Variants in ADAM28 observed in about 807,000 individuals in gnomAD.
The protein encoded by ADAM28 is ADAM metallopeptidase domain 28, also known as disintegrin and metalloproteinase domain-containing protein 28.
A neutral mutation model predicts 101.2 loss-of-function variants in ADAM28; 105 were observed. The observed-to-expected ratio is 1.04, with a 90% CI of 0.89 to 1.22. ADAM28 has a LOEUF of 1.22. ADAM28 is among the 50% of genes most tolerant of loss of function. The pLI is 0.00. For missense variants in ADAM28, 1,028 were observed against 945.4 expected (o/e 1.09, Z -1.15); for synonymous variants, 322 against 310.6 (o/e 1.04, Z -0.39).
chr8:24,329,886 TGA>T (rs1287352791), intron 10 of ADAM28, 97 bp from the exon 11 acceptor site: 1,248 of 562,760 alleles, frequency 2.2e-3, no homozygotes, highest in Non-Finnish European at 2.5e-3. Context: ...TGTGTGTGTG[TGA>T]GAGAGAGAGA....
intron 1 of ADAM28, chr8:24,295,810 T>A (rs1284547377): frequency 1.3e-5 from 2 of 152,250 alleles, no homozygotes; most frequent in Non-Finnish European, 2.9e-5. Context: ...CACTGAACTA[T>A]CCCTGTTATG....
rs140086130 is a variant in ADAM28, at chr8:24,346,589, C to T, written c.1990+3005C>T. On this transcript the variant is annotated intron_variant, in intron 18 of 22. Coordinates refer to ENST00000265769, the MANE Select transcript of ADAM28 (RefSeq NM_014265.6). ...GACAAAGTTTAAGAGCACTGCCCTA[C>T]GACATGGCCATACACAGCCATTGGC... Among the ~76,000 whole-genome samples the T allele has an allele frequency of 1.5e-3, 227 of 152,164 alleles. 2 individuals are homozygous for T. Among genetic ancestry groups the T allele is most frequent in the African/African-American group, 5.1e-3 (211 of 41,536 alleles).
intron 7 of ADAM28, among the ~76,000 whole-genome samples, chr8:24,320,905 A>G (rs1463156909): frequency 1.3e-5 from 2 of 152,074 alleles, no homozygotes; most frequent in African/African-American, 4.8e-5. Flanking sequence ...CTCTTAAATT[A>G]ATAAGATATT....
rs1235408814 is a variant in ADAM28, at chr8:24,313,400, T to C, written c.396T>C (p.Ser132=). Residue 132 remains serine (S), a synonymous_variant, in exon 6 of 23, where the codon AGT becomes AGC. Transcript: ENST00000265769. ...CATGTTTTTTCAGGGGCTACTTCAG[T>C]CAGGGGGATCAAAGATACTTTATTG... ...STCRGLRGYF[S]QGDQRYFIEP... is the part of the protein sequence containing the mutation. 6.2e-7 allele frequency: 1 copy of C among 1,611,238 alleles called. No homozygotes were observed. Among genetic ancestry groups the C allele is most frequent in the Non-Finnish European group, 8.5e-7 (1 of 1,178,860 alleles).
At position 24,349,930 on chromosome 8, in the gene ADAM28, T is replaced by C. The variant is rs1464453965; in HGVS notation, c.2057T>C (p.Ile686Thr). ...AVIFVVVAMV[I>T]RHQSSREKQK... ...ATTTTTGTGGTGGTTGCTATGGTAA[T>C]CCGGCACCAGAGCTCCAGAGAAAAG... Residue 686 changes from isoleucine to threonine, a missense_variant, in exon 19 of 23, where the codon ATC (isoleucine) becomes ACC (threonine). Physicochemically the swap from Ile to Thr is moderately conservative, Grantham distance 89. Transcript: ENST00000265769. 1 of 1,613,592 alleles carries C rather than the reference T, an allele frequency of 6.2e-7. No homozygotes were observed. The highest frequency in any genetic ancestry group is 2.2e-5 in the East Asian group (1 of 44,822).
chr8:24,335,405 G>T (rs183285611), intron 13 of ADAM28, 41 bp from the exon 14 acceptor site: 1 of 1,552,194 alleles, frequency 6.4e-7, no homozygotes, highest in African/African-American at 1.4e-5. Context: ...GGTAAAGCAG[G>T]TAGGGAGAAT....
intron 5 of ADAM28, among the ~76,000 whole-genome samples, chr8:24,312,882 T>G (rs1810658557): frequency 6.6e-6 from 1 of 152,172 alleles, no homozygotes; most frequent in South Asian, 2.1e-4. Context: ...CTTTACATGT[T>G]CTCTCATTCA....
intron 2 of ADAM28, among the ~76,000 whole-genome samples, chr8:24,302,899 C>T (rs894939261): frequency 2.0e-5 from 3 of 149,454 alleles, no homozygotes; most frequent in Non-Finnish European, 4.5e-5. Flanking sequence ...AGGTATATCT[C>T]CTAATGCTAT....
chr8:24,325,891 A>ACAAAC (rs1288887264), intron 9 of ADAM28, among the ~76,000 whole-genome samples: 66 of 144,290 alleles, frequency 4.6e-4, no homozygotes, highest in East Asian at 2.3e-3. Flanking sequence ...AAAAAAAAAA[A>ACAAAC]AAAAAAAAAC....
intron 15 of ADAM28, chr8:24,341,250 A>G: frequency 5.2e-6 from 1 of 191,022 alleles, no homozygotes. Context: ...ATCATACTCC[A>G]ATCAGCAAAA....
At chr8:24,344,014 T>C (rs968692956) in intron 18 of ADAM28, among the ~76,000 whole-genome samples, 3 of 152,220 alleles carry the variant, frequency 2.0e-5, no homozygotes, top group African/African-American at 7.2e-5. Flanking sequence ...ACTTGTATTC[T>C]GTTGTACTAG....
At chr8:24,307,998 C>T (rs1490102035) in intron 2 of ADAM28, among the ~76,000 whole-genome samples, 1 of 152,192 alleles carries the variant, frequency 6.6e-6, no homozygotes, top group East Asian at 1.9e-4. Flanking sequence ...TGCCCATTGA[C>T]ATCCCCTAGA....
intron 6 of ADAM28, among the ~76,000 whole-genome samples, chr8:24,315,353 G>GA (rs999852317): frequency 2.0e-5 from 3 of 151,444 alleles, no homozygotes; most frequent in African/African-American, 4.8e-5. Flanking sequence ...TCTCAGAAAT[G>GA]AAAAAAAGAT....
intron 19 of ADAM28, among the ~76,000 whole-genome samples, chr8:24,350,263 A>C (rs1815930387): frequency 6.6e-6 from 1 of 152,142 alleles, no homozygotes; most frequent in Non-Finnish European, 1.5e-5. Flanking sequence ...AGAATATAAT[A>C]TCTAACATTA....
chr8:24,337,315 C>G (rs914503371), intron 14 of ADAM28, among the ~76,000 whole-genome samples: 2 of 152,212 alleles, frequency 1.3e-5, no homozygotes, highest in Non-Finnish European at 2.9e-5. Flanking sequence ...CAGTATACGG[C>G]AAAAACCAGG....
intron 8 of ADAM28, among the ~76,000 whole-genome samples, chr8:24,322,986 T>C (rs1358413965): frequency 6.6e-6 from 1 of 151,972 alleles, no homozygotes; most frequent in Non-Finnish European, 1.5e-5. Context: ...GTTCAATCCA[T>C]GTTTAAGATT....
At chr8:24,348,457 G>GGTTCATTT (rs1410796750) in intron 18 of ADAM28, among the ~76,000 whole-genome samples, 2 of 151,882 alleles carry the variant, frequency 1.3e-5, no homozygotes, top group Non-Finnish European at 2.9e-5. Context: ...GTTTGCTGTT[G>GGTTCATTT]GTTCATTTGC....
At chr8:24,333,144 T>C (rs1243489153) in intron 13 of ADAM28, among the ~76,000 whole-genome samples, 1 of 152,160 alleles carries the variant, frequency 6.6e-6, no homozygotes. Flanking sequence ...CAGAGTAGAA[T>C]GGTGTTTACC....
chr8:24,337,190 T>C (rs1168151992), intron 14 of ADAM28, among the ~76,000 whole-genome samples: 4 of 152,232 alleles, frequency 2.6e-5, no homozygotes, highest in Non-Finnish European at 5.9e-5. Flanking sequence ...GCAAGCTCAC[T>C]AGTATCCTGG....
Sources: gnomAD v4.1 joint callset for allele counts (sites outside exome capture counted in the v4.1 genomes callset) on GRCh38, gnomAD v4.1.1 for gene constraint, MANE v1.5 for transcripts, NCBI Gene and HGNC (gene_info 2026-07-23, HGNC 2026-07-21) for gene names.